BTNL8: variants seen among roughly 807,000 people sequenced by gnomAD.
BTNL8 encodes the protein butyrophilin-like protein 8.
A neutral mutation model predicts 36.1 loss-of-function variants in BTNL8; 22 were observed. The ratio of observed to expected loss-of-function variants is 0.61; its 90% CI spans 0.44 to 0.87. The LOEUF (loss-of-function observed/expected upper bound fraction) is 0.87, where lower values mean the gene tolerates loss of function less well. Ranked by LOEUF, BTNL8 falls within the 40% of genes least tolerant of loss-of-function variation. The probability of loss-of-function intolerance (pLI) is 0.00; values close to 1 mark genes in which losing one functional copy is unlikely to be tolerated. For missense variants in BTNL8, 526 were observed against 616.9 expected, an observed-to-expected ratio of 0.85 and a Z score of 1.56; for synonymous variants, 203 against 235.6, an observed-to-expected ratio of 0.86 and a Z score of 1.27.
intron 2 of BTNL8, among the ~76,000 whole-genome samples, chr5:180,910,891 C>T (rs1417546156): frequency 6.6e-6 from 1 of 152,196 alleles, no homozygotes; most frequent in Non-Finnish European, 1.5e-5. Flanking sequence ...ATCCATCTGC[C>T]CCTCAACTGG....
intron 3 of BTNL8, among the ~76,000 whole-genome samples, chr5:180,929,066 A>T (rs1758241800): frequency 6.6e-6 from 1 of 152,242 alleles, no homozygotes; most frequent in African/African-American, 2.4e-5. Context: ...AATTCGAAAC[A>T]GAACACTCCT....
At chr5:180,901,743 T>TA (rs1308933812) in intron 1 of BTNL8, among the ~76,000 whole-genome samples, 3 of 151,972 alleles carry the variant, frequency 2.0e-5, no homozygotes, top group African/African-American at 4.8e-5. Context: ...GAATTTTTTT[T>TA]AAAAAAAATG....
intron 3 of BTNL8, among the ~76,000 whole-genome samples, chr5:180,939,154 C>T (rs1237789565): frequency 6.6e-6 from 1 of 151,914 alleles, no homozygotes; most frequent in Non-Finnish European, 1.5e-5. Context: ...AAATAATGAA[C>T]AAAAAGTTAA....
chr5:180,900,478 A>G (rs1171469242), intron 1 of BTNL8, among the ~76,000 whole-genome samples: 1 of 152,116 alleles, frequency 6.6e-6, no homozygotes, highest in African/African-American at 2.4e-5. Flanking sequence ...TTTTCAAGGG[A>G]AGGAAGTGGA....
chr5:180,946,560 A>C (rs974509433), intron 3 of BTNL8, among the ~76,000 whole-genome samples: 5 of 152,226 alleles, frequency 3.3e-5, no homozygotes, highest in African/African-American at 1.2e-4. Context: ...AAGCTAAAAA[A>C]GTTGAACTCA....
At chr5:180,920,408 T>C (rs1379097444) in intron 3 of BTNL8, among the ~76,000 whole-genome samples, 3 of 147,504 alleles carry the variant, frequency 2.0e-5, no homozygotes, top group African/African-American at 7.3e-5. Flanking sequence ...CAGAGTGATA[T>C]TGGACTCATA....
chr5:180,927,053 A>T (rs984088328), intron 3 of BTNL8, among the ~76,000 whole-genome samples: 1 of 152,230 alleles, frequency 6.6e-6, no homozygotes, highest in East Asian at 1.9e-4. Flanking sequence ...AGGGGTCGAC[A>T]GACGCCTCAT....
In BTNL8 at chr5:180,908,676, A is replaced by AT. The variant is rs749920458; in HGVS notation, c.141dup (p.Ala48CysfsTer15). 352 of 1,614,194 alleles carry AT rather than the reference A, an allele frequency of 2.2e-4. 1 individual carries two copies. The African/African-American group carries it at 4.0e-3, about 19-fold the overall frequency. ...TCCTGTTTCCTGTCTCCTAAGACCA[A>AT]TGCAGAGGCCATGGAAGTGCGGTTC... On this transcript the variant is annotated frameshift_variant, in exon 2 of 8. Transcript: ENST00000340184. LOFTEE classifies it high-confidence loss of function.
rs1167967172 is a variant in BTNL8 at position 180,903,078 on chromosome 5, T to C, written c.49+3719T>C. 1.7e-5 allele frequency among the ~76,000 whole-genome samples: 2 copies of C among 119,574 alleles called. 1 individual carries two copies. The highest frequency in any genetic ancestry group is 8.5e-5 in the African/African-American group (2 of 23,420). 78.4% of individuals were successfully genotyped at this position (119,574 alleles called of 152,430 possible). On this transcript the variant is annotated intron_variant, in intron 1 of 7. Coordinates refer to ENST00000340184, the MANE Select transcript of BTNL8 (RefSeq NM_001040462.3). The stretch of plus-strand genomic sequence containing the variant: ...CTGGGTCAAATGGTATTTCCAGTTC[T>C]AGTTCCCTGAGGAATCGCCACACTG...
chr5:180,948,614 C>G, intron 5 of BTNL8: 1 of 1,082,620 alleles, frequency 9.2e-7, no homozygotes. Flanking sequence ...TGCCTGTTGC[C>G]CGTTGGTTTG....
chr5:180,946,500 A>C (rs1475166816), intron 3 of BTNL8, among the ~76,000 whole-genome samples: 1 of 152,224 alleles, frequency 6.6e-6, no homozygotes, highest in African/African-American at 2.4e-5. Flanking sequence ...ATGCTAAGTG[A>C]AATAAGCCAA....
chr5:180,918,432 G>C (rs1223697600), intron 3 of BTNL8, among the ~76,000 whole-genome samples: 1 of 152,096 alleles, frequency 6.6e-6, no homozygotes, highest in South Asian at 2.1e-4. Flanking sequence ...GTTAACAAAC[G>C]CAGAGAAAGC....
At chr5:180,937,609 G>A (rs971779684) in intron 3 of BTNL8, among the ~76,000 whole-genome samples, 5 of 151,974 alleles carry the variant, frequency 3.3e-5, no homozygotes, top group Non-Finnish European at 7.4e-5. Context: ...AAAAACAGAA[G>A]AAAACATCAA....
At chr5:180,929,557 AGAC>A (rs1758269289) in intron 3 of BTNL8, among the ~76,000 whole-genome samples, 3 of 147,744 alleles carry the variant, frequency 2.0e-5, no homozygotes, top group African/African-American at 7.9e-5. Flanking sequence ...CAAAATAGAT[AGAC>A]CGTTAGTGAG....
intron 3 of BTNL8, among the ~76,000 whole-genome samples, chr5:180,917,860 C>A (rs978129731): frequency 6.6e-6 from 1 of 151,410 alleles, no homozygotes; most frequent in African/African-American, 2.4e-5. Context: ...AACCCTGTCT[C>A]TACTAAAAAT....
chr5:180,908,245 C>A (rs1757198064), intron 1 of BTNL8, among the ~76,000 whole-genome samples: 1 of 152,182 alleles, frequency 6.6e-6, no homozygotes. Flanking sequence ...CGGAAAAGCG[C>A]AATATTCGGG....
chr5:180,923,829 A>G (rs953313566), intron 3 of BTNL8, among the ~76,000 whole-genome samples: 12 of 152,354 alleles, frequency 7.9e-5, no homozygotes, highest in Middle Eastern at 3.4e-3. Flanking sequence ...AACAAAATAC[A>G]TTGCATTTTA....
intron 1 of BTNL8, among the ~76,000 whole-genome samples, chr5:180,900,436 C>T (rs1318982028): frequency 6.6e-6 from 1 of 152,112 alleles, no homozygotes; most frequent in Non-Finnish European, 1.5e-5. Flanking sequence ...GGGTGCATGG[C>T]ATGTTGCAGC....
chr5:180,909,563 T>C (rs1757289618), intron 2 of BTNL8: 2 of 985,458 alleles, frequency 2.0e-6, no homozygotes, highest in African/African-American at 1.7e-5. Context: ...CATACTTCCA[T>C]AGTCACACCC....
Sources: allele counts gnomAD v4.1 joint callset (sites outside exome capture counted in the v4.1 genomes callset), GRCh38; gene constraint gnomAD v4.1.1; transcripts MANE v1.5; gene names NCBI Gene and HGNC (gene_info 2026-07-23, HGNC 2026-07-21).